PDXDC1: variants seen among roughly 807,000 people sequenced by gnomAD.
PDXDC1 encodes the protein pyridoxal-dependent decarboxylase domain-containing protein 1.
Under a neutral mutation model 100.1 loss-of-function variants are expected in PDXDC1, and 42 were observed. The observed-to-expected ratio is 0.42, with a 90% CI of 0.33 to 0.54. The LOEUF (loss-of-function observed/expected upper bound fraction) is 0.54, where lower values mean the gene tolerates loss of function less well. PDXDC1 is among the 20% of genes least tolerant of loss of function. PDXDC1 has a pLI of 0.10. For synonymous variants in PDXDC1, 260 were observed against 371.7 expected (o/e 0.70, Z 3.46); for missense variants, 636 against 979.2 (o/e 0.65, Z 4.68).
chr16:15,112,563 G>A (rs1210676955), intron 16 of PDXDC1, among the ~76,000 whole-genome samples: 1 of 150,886 alleles, frequency 6.6e-6, no homozygotes, highest in African/African-American at 2.4e-5. Context: ...GTTTTTTCCT[G>A]ATTTCTGCAC....
chr16:15,001,206 C>T (rs142142185), intron 3 of PDXDC1, among the ~76,000 whole-genome samples: 3 of 151,950 alleles, frequency 2.0e-5, no homozygotes, highest in African/African-American at 7.2e-5. Context: ...AATAAAAAAA[C>T]GGCTGGGCGT....
At chr16:15,030,975 CAG>C (rs1034281660) in intron 16 of PDXDC1, among the ~76,000 whole-genome samples, 12 of 150,796 alleles carry the variant, frequency 8.0e-5, no homozygotes, top group South Asian at 2.1e-4. Flanking sequence ...TTTTTAGAAA[CAG>C]GGTCTCATTT....
chr16:15,024,456 G>T (rs187220402), intron 13 of PDXDC1, among the ~76,000 whole-genome samples: 2 of 148,508 alleles, frequency 1.3e-5, no homozygotes, highest in East Asian at 4.0e-4. Flanking sequence ...GCCCAGACTG[G>T]AGTGCAGTGG....
chr16:15,063,474 T>C (rs1418229242), intron 16 of PDXDC1, among the ~76,000 whole-genome samples: 1 of 151,988 alleles, frequency 6.6e-6, no homozygotes, highest in Non-Finnish European at 1.5e-5. Context: ...TTTGGGAGGC[T>C]GAGGTGGGCA....
At chr16:14,990,801 C>T (rs1456898482) in intron 1 of PDXDC1, among the ~76,000 whole-genome samples, 3 of 152,268 alleles carry the variant, frequency 2.0e-5, no homozygotes, top group East Asian at 1.9e-4. Context: ...AGTGCAGTGT[C>T]GCAATTTCAG....
At chr16:15,101,364 C>T (rs1421663570) in intron 16 of PDXDC1, among the ~76,000 whole-genome samples, 2 of 152,134 alleles carry the variant, frequency 1.3e-5, no homozygotes, top group East Asian at 1.9e-4. Context: ...TCACCCAGGA[C>T]GGACTGCAGT....
intron 4 of PDXDC1, among the ~76,000 whole-genome samples, chr16:15,003,900 C>T (rs1334647733): frequency 3.9e-5 from 6 of 152,244 alleles, no homozygotes; most frequent in Admixed American, 6.5e-5. Context: ...AGGAGAATCA[C>T]GTGAACCCAG....
intron 3 of PDXDC1, among the ~76,000 whole-genome samples, chr16:15,000,139 C>T (rs1972831221): frequency 6.6e-6 from 1 of 152,282 alleles, no homozygotes; most frequent in African/African-American, 2.4e-5. Context: ...CTGATGGAAA[C>T]CAAAGGTTTT....
At chr16:15,140,902 G>A (rs975081643), downstream of PDXDC1, among the ~76,000 whole-genome samples, 55 of 151,318 alleles carry the variant, frequency 3.6e-4, no homozygotes, top group African/African-American at 1.2e-3. Flanking sequence ...CTCCTGCCAC[G>A]GGCCTCTACT....
intron 16 of PDXDC1, among the ~76,000 whole-genome samples, chr16:15,064,709 G>GGTA (rs1263295952): frequency 6.6e-6 from 1 of 152,210 alleles, no homozygotes; most frequent in African/African-American, 2.4e-5. Flanking sequence ...CCCACTCTGG[G>GGTA]GTGCCTGCGC....
chr16:15,080,950 A>G (rs1008045611), intron 16 of PDXDC1, among the ~76,000 whole-genome samples: 12 of 152,162 alleles, frequency 7.9e-5, no homozygotes, highest in Non-Finnish European at 1.6e-4. Flanking sequence ...GCATGTTTTT[A>G]GGGTTCAATC....
At chr16:15,029,363 A>G (rs2042882268) in intron 15 of PDXDC1, 2 of 495,308 alleles carry the variant, frequency 4.0e-6, no homozygotes, top group East Asian at 9.2e-5. Flanking sequence ...GGCACTGAAT[A>G]GCAGCTCTAG....
intron 16 of PDXDC1, among the ~76,000 whole-genome samples, chr16:15,052,754 G>T (rs1398151815): frequency 6.6e-6 from 1 of 152,156 alleles, no homozygotes; most frequent in Non-Finnish European, 1.5e-5. Context: ...GAACCTGGGA[G>T]GCAGAGGTTG....
rs1392363388 is a variant in PDXDC1, at chr16:15,054,614, G to A, written c.1399+24558G>A. 2.0e-5 allele frequency among the ~76,000 whole-genome samples: 3 copies of A among 152,182 alleles called. No individual in the cohort carries two copies. The East Asian group carries it at 5.8e-4, about 29-fold the overall frequency. On this transcript the variant is annotated intron_variant, in intron 16 of 16. Transcript: ENST00000535621. ...GACGATGGTCGGTCCTGAAATGCAA[G>A]CTGAGAATCACACAGAGCTGTCTGC...
chr16:15,032,820 G>T, intron 17 of PDXDC1, 41 bp from the exon 18 acceptor site: 1 of 1,086,722 alleles, frequency 9.2e-7, no homozygotes, highest in South Asian at 1.2e-5. Context: ...AGAGACATTT[G>T]ATCTTTTAAG....
chr16:15,081,106 G>C (rs758492429), intron 16 of PDXDC1, among the ~76,000 whole-genome samples: 14 of 152,026 alleles, frequency 9.2e-5, no homozygotes, highest in Non-Finnish European at 1.8e-4. Flanking sequence ...ACCATGTTTT[G>C]TCTGTTCATC....
At position 15,032,854 on chromosome 16, in the gene PDXDC1, G is replaced by A; in HGVS notation, c.1572-7G>A. ...AGCTGAAATGCTGTGGTTTGATGTT[G>A]TTTTAGGTATGAACATGCTAATGAT... On this transcript the variant is annotated splice_polypyrimidine_tract_variant and splice_region_variant and intron_variant, in intron 17 of 22. Coordinates refer to ENST00000396410, the MANE Select transcript of PDXDC1 (RefSeq NM_015027.4). The A allele has an allele frequency of 1.4e-6, 2 of 1,467,470 alleles. No individual in the cohort carries two copies. The highest frequency in any genetic ancestry group is 1.9e-6 in the Non-Finnish European group (2 of 1,046,248). 90.9% of individuals were successfully genotyped at this position (1,467,470 alleles called of 1,614,324 possible). A position where few individuals can be genotyped will look rare whatever the true frequency, so the allele number is the denominator to read the frequency against.
downstream of PDXDC1, among the ~76,000 whole-genome samples, chr16:15,042,627 G>A (rs183595741): frequency 2.6e-4 from 40 of 152,098 alleles, no homozygotes; most frequent in East Asian, 6.4e-3. Context: ...ATGTTCTACC[G>A]CTCATCTTCA....
At chr16:14,988,592 C>A (rs1597319328) in intron 1 of PDXDC1, 1 of 1,613,712 alleles carries the variant, frequency 6.2e-7, no homozygotes, top group East Asian at 2.2e-5. Context: ...GGCAGCCTGC[C>A]TTGCAGGCAT....
Sources: gnomAD v4.1 joint callset for allele counts (sites outside exome capture counted in the v4.1 genomes callset) on GRCh38, gnomAD v4.1.1 for gene constraint, MANE v1.5 for transcripts, NCBI Gene and HGNC (gene_info 2026-07-23, HGNC 2026-07-21) for gene names.